Variants in UBE4A observed in about 807,000 individuals in gnomAD.
UBE4A encodes the protein ubiquitination factor E4A, also known as ubiquitin conjugation factor E4 A.
In UBE4A, 48 loss-of-function variants were observed where a neutral mutation model predicts 117.9. The ratio of observed to expected loss-of-function variants is 0.41; its 90% CI spans 0.32 to 0.52. The LOEUF (loss-of-function observed/expected upper bound fraction) is 0.52. UBE4A is among the 20% of genes least tolerant of loss of function. UBE4A has a pLI of 0.33. For missense variants in UBE4A, 1,067 were observed against 1,296.3 expected (o/e 0.82, Z 2.72); for synonymous variants, 407 against 450.0 (o/e 0.90, Z 1.21).
At chr11:118,394,830 G>A (rs1054862254) in intron 19 of UBE4A, among the ~76,000 whole-genome samples, 3 of 150,230 alleles carry the variant, frequency 2.0e-5, no homozygotes, top group Non-Finnish European at 4.4e-5. Flanking sequence ...AATTAGCCAA[G>A]TATAATGGCA....
chr11:118,399,165 GTGTT>G lies in UBE4A; in HGVS notation c.*2730_*2733del, dbSNP rs1416189674. 4 of 413,006 alleles carry G rather than the reference GTGTT, an allele frequency of 9.7e-6. No individual in the cohort carries two copies. The highest frequency in any genetic ancestry group is 2.0e-5 in the Non-Finnish European group (4 of 200,924). The allele number at this position is 413,006 out of a possible 1,614,324, so 25.6% of individuals were successfully genotyped here. On this transcript the variant is annotated 3_prime_UTR_variant, in exon 20 of 20. Coordinates refer to ENST00000252108, the MANE Select transcript of UBE4A (RefSeq NM_001204077.2). ...TACTTCTTGTCAAACTTGCCTGGCA[GTGTT>G]TGTTCAAAACTTGTATTTAATAAAT... is the stretch of plus-strand genomic sequence containing the variant.
At chr11:118,377,078 T>C (rs1466208405) in intron 10 of UBE4A, among the ~76,000 whole-genome samples, 1 of 152,226 alleles carries the variant, frequency 6.6e-6, no homozygotes, top group South Asian at 2.1e-4. Context: ...AGGAAGAGTC[T>C]TACAGATATA....
chr11:118,381,095 C>T (rs1948701499), intron 11 of UBE4A, among the ~76,000 whole-genome samples: 1 of 152,192 alleles, frequency 6.6e-6, no homozygotes, highest in Admixed American at 6.5e-5. Context: ...AGTCCTCACA[C>T]ATCTGAAGGG....
chr11:118,377,598 A>G (rs1948664186), intron 10 of UBE4A, among the ~76,000 whole-genome samples: 1 of 152,020 alleles, frequency 6.6e-6, no homozygotes, highest in African/African-American at 2.4e-5. Flanking sequence ...TTCATTTTAT[A>G]TTGCACTTTC....
chr11:118,377,509 G>GT (rs1555125558), intron 10 of UBE4A, among the ~76,000 whole-genome samples: 1 of 151,964 alleles, frequency 6.6e-6, no homozygotes, highest in African/African-American at 2.4e-5. Context: ...TGCCTGGCCT[G>GT]TTTTTTAACT....
Position 118,365,205 on chromosome 11 carries a change from A to C in UBE4A, c.121+4A>C. On this transcript the variant is annotated splice_donor_region_variant and intron_variant, in intron 2 of 19. Transcript: ENST00000252108. ...GAGCAGCTGAAGCAACAATCTGGTA[A>C]GTGGAGGAGCCAATAGCAGCAAATA... 2.5e-6 allele frequency: 4 copies of C among 1,599,940 alleles called. No individual in the cohort carries two copies. Among genetic ancestry groups the C allele is most frequent in the Non-Finnish European group, 3.4e-6 (4 of 1,173,366 alleles).
chr11:118,374,715 C>G (rs1555125067), intron 8 of UBE4A, among the ~76,000 whole-genome samples, 181 bp from the exon 9 acceptor site: 1 of 152,126 alleles, frequency 6.6e-6, no homozygotes, highest in Non-Finnish European at 1.5e-5. Flanking sequence ...GGCAGCTGAT[C>G]AGAAAATCTC....
chr11:118,390,872 C>G (rs1427362337), intron 18 of UBE4A, 68 bp downstream of exon 18: 3 of 1,573,078 alleles, frequency 1.9e-6, no homozygotes, highest in Non-Finnish European at 2.6e-6. Flanking sequence ...CATGATGGCT[C>G]AAGCCTGTAG....
intron 1 of UBE4A, among the ~76,000 whole-genome samples, chr11:118,363,841 C>T (rs1469386208): frequency 6.6e-6 from 1 of 152,102 alleles, no homozygotes; most frequent in East Asian, 1.9e-4. Context: ...TGGTCTTGAA[C>T]TCCTGACCTC....
At position 118,371,602 on chromosome 11, in the gene UBE4A, G is replaced by A. The variant is rs373032048; in HGVS notation, c.497G>A (p.Arg166Gln). ...SSTTLNLSAD[R>Q]DAGERHIFCY... The stretch of plus-strand genomic sequence containing the variant: ...ACAACGCTAAATCTCTCTGCTGATC[G>A]AGATGCAGGAGAGAGGCACATTTTT... Residue 166 changes from arginine (R) to glutamine (Q), a missense_variant, in exon 5 of 20, where the codon CGA becomes CAA. Coordinates refer to ENST00000252108, the MANE Select transcript of UBE4A (RefSeq NM_001204077.2). 28 of 1,613,880 alleles carry A rather than the reference G, an allele frequency of 1.7e-5. No homozygotes were observed. Among genetic ancestry groups the A allele is most frequent in the African/African-American group, 6.7e-5 (5 of 75,028 alleles).
At position 118,388,605 on chromosome 11, in the gene UBE4A, C is replaced by T. The variant is rs149170084; in HGVS notation, c.2588-1120C>T. Among the ~76,000 whole-genome samples, 19 of 151,020 alleles carry T rather than the reference C, an allele frequency of 1.3e-4. No homozygotes were observed. The East Asian group carries it at 3.7e-3, about 29-fold the overall frequency. Reference sequence around the variant, plus strand: ...CGGAGGTTGCAGTGAGCAGAGATCACGCCACTGCGCTCCAGCCTAGGCAAC... The same window carrying T: ...CGGAGGTTGCAGTGAGCAGAGATCATGCCACTGCGCTCCAGCCTAGGCAAC... On this transcript the variant is annotated intron_variant, in intron 16 of 19. Transcript: ENST00000252108.
intron 13 of UBE4A, 33 bp from the exon 14 acceptor site, chr11:118,384,602 C>G: frequency 6.3e-7 from 1 of 1,586,412 alleles, no homozygotes. Flanking sequence ...ATGGCACCGC[C>G]TTTGCTGATA....
Position 118,386,740 on chromosome 11 carries a change from A to G in UBE4A, c.2587+128A>G, listed in dbSNP as rs1321452645. On this transcript the variant is annotated intron_variant, in intron 16 of 19. Coordinates refer to ENST00000252108, the MANE Select transcript of UBE4A (RefSeq NM_001204077.2). ...CAGTATCCTCCACATCTGGAAGGGA[A>G]ACGAATCACTTGAGAAGCTTCAAAA... 9 of 1,067,364 alleles carry G rather than the reference A, an allele frequency of 8.4e-6. No individual in the cohort carries two copies. The African/African-American group carries it at 1.2e-4, about 14-fold the overall frequency. 66.1% of individuals were successfully genotyped at this position (1,067,364 alleles called of 1,614,324 possible). A position where few individuals can be genotyped will look rare whatever the true frequency, so the allele number is the denominator to read the frequency against.
chr11:118,382,717 A>G lies in UBE4A; in HGVS notation c.2138A>G (p.Gln713Arg). The G allele has an allele frequency of 6.2e-7, 1 of 1,604,486 alleles. No homozygotes were observed. The highest frequency in any genetic ancestry group is 1.7e-5 in the Admixed American group (1 of 59,112). The change falls in exon 13 of 20, where the codon CAG (glutamine) becomes CGG (arginine). Residue 713 changes from glutamine (Q) to arginine (R), a missense_variant. Gln to Arg is a conservative substitution (Grantham distance 43). This residue lies in a region of UBE4A where 1,001 missense variants were observed against 1,184.0 expected (regional missense o/e 0.85). Transcript: ENST00000252108. ...CGGAAACGTGTGTTCTGCAACTTTCAGTATGCACCCCAACTTGCAGAGGCT... is the reference window on the plus strand; with the variant it reads ...CGGAAACGTGTGTTCTGCAACTTTCGGTATGCACCCCAACTTGCAGAGGCT... ...FHRKRVFCNFQYAPQLAEALI... is the reference protein window; with the variant it reads ...FHRKRVFCNFRYAPQLAEALI...
chr11:118,375,455 G>A lies in UBE4A; in HGVS notation c.1450+226G>A, dbSNP rs143243258. Among the ~76,000 whole-genome samples, 69 of 152,134 alleles carry A rather than the reference G, an allele frequency of 4.5e-4. 1 individual carries two copies. The East Asian group carries it at 0.011, about 24-fold the overall frequency. On this transcript the variant is annotated intron_variant, in intron 9 of 19. Coordinates refer to ENST00000252108, the MANE Select transcript of UBE4A (RefSeq NM_001204077.2). ...GCTCACCGCAATCTCTGCCTCCCGT[G>A]TTCCAGCGATTCTCCTGCCTCAGCC...
Position 118,396,533 on chromosome 11 carries a change from CTTCTTTTCTTTT to C in UBE4A, c.*95_*106del. 1 of 1,130,660 alleles carries C rather than the reference CTTCTTTTCTTTT, an allele frequency of 8.8e-7. No homozygotes were observed. Among genetic ancestry groups the C allele is most frequent in the Non-Finnish European group, 1.2e-6 (1 of 831,692 alleles). The allele number at this position is 1,130,660 out of a possible 1,614,324, so 70.0% of individuals were successfully genotyped here. On this transcript the variant is annotated 3_prime_UTR_variant, in exon 20 of 20. Coordinates refer to ENST00000252108, the MANE Select transcript of UBE4A (RefSeq NM_001204077.2). ...CTTTCTGGTTCTGTTCCTTTTCTTTCTTCTTTTCTTTTTCTTTTTTTTTTTTTTTTTTACTAA... is the reference window on the plus strand; with the variant it reads ...CTTTCTGGTTCTGTTCCTTTTCTTTCTCTTTTTTTTTTTTTTTTTTACTAA...
rs1308867696 is a variant in UBE4A, at chr11:118,396,991, T to A, written c.*551T>A. ...AGATACCTTTAAGTTTGTGTAGACTTCTGAATAAGATGATAGACGAGAATT... is the reference window on the plus strand; with the variant it reads ...AGATACCTTTAAGTTTGTGTAGACTACTGAATAAGATGATAGACGAGAATT... On this transcript the variant is annotated 3_prime_UTR_variant, in exon 20 of 20. Transcript: ENST00000252108. The A allele has an allele frequency of 4.6e-5, 7 of 152,256 alleles. No individual in the cohort carries two copies. Among genetic ancestry groups the A allele is most frequent in the African/African-American group, 1.7e-4 (7 of 41,450 alleles). 9.4% of individuals were successfully genotyped at this position (152,256 alleles called of 1,614,324 possible).
rs781862699 is a variant in UBE4A at position 118,386,620 on chromosome 11, C to T, written c.2587+8C>T. ...TTGCCTTTCTCACATCAGGTAAGGA[C>T]ATGAAGTACTGCTTCCCCCCAAAAA... On this transcript the variant is annotated splice_region_variant and intron_variant, in intron 16 of 19. Coordinates refer to ENST00000252108, the MANE Select transcript of UBE4A (RefSeq NM_001204077.2). 1.3e-6 allele frequency: 2 copies of T among 1,534,882 alleles called. No individual in the cohort carries two copies. The highest frequency in any genetic ancestry group is 8.7e-7 in the Non-Finnish European group (1 of 1,144,578).
chr11:118,375,453 G>A (rs954602544), intron 9 of UBE4A, among the ~76,000 whole-genome samples: 2 of 151,934 alleles, frequency 1.3e-5, no homozygotes, highest in African/African-American at 2.4e-5. Context: ...TCTGCCTCCC[G>A]TGTTCCAGCG....
Sources: allele counts gnomAD v4.1 joint callset (sites outside exome capture counted in the v4.1 genomes callset), GRCh38; gene constraint gnomAD v4.1.1; regional missense constraint gnomAD v4.1.1; transcripts MANE v1.5; gene names NCBI Gene and HGNC (gene_info 2026-07-23, HGNC 2026-07-21).